Variants in GRM8 observed in about 807,000 individuals in gnomAD.
The protein encoded by GRM8 is metabotropic glutamate receptor 8.
In GRM8, 47 loss-of-function variants were observed where a neutral mutation model predicts 87.2. The ratio of observed to expected loss-of-function variants is 0.54; its 90% CI spans 0.43 to 0.69. GRM8 has a LOEUF of 0.69. GRM8 is among the 30% of genes least tolerant of loss of function. The pLI is 0.00. For missense variants in GRM8, 1,019 were observed against 1,139.2 expected (o/e 0.89, Z 1.52); for synonymous variants, 396 against 404.5 (o/e 0.98, Z 0.25).
chr7:126,717,507 A>C (rs1811889180), intron 7 of GRM8, among the ~76,000 whole-genome samples: 1 of 152,172 alleles, frequency 6.6e-6, no homozygotes, highest in African/African-American at 2.4e-5. Context: ...GGGACATACA[A>C]CTATGGACAA....
chr7:127,171,485 G>T (rs1793799395), intron 2 of GRM8, among the ~76,000 whole-genome samples: 1 of 152,172 alleles, frequency 6.6e-6, no homozygotes, highest in Non-Finnish European at 1.5e-5. Flanking sequence ...AAACGTCATT[G>T]TTGCCTTATT....
chr7:127,209,917 G>A, intron 2 of GRM8, among the ~76,000 whole-genome samples: 1 of 152,024 alleles, frequency 6.6e-6, no homozygotes, highest in Non-Finnish European at 1.5e-5. Context: ...AGAGCTTCTG[G>A]ACCTGCAGCA....
chr7:126,599,268 T>C (rs1426857616), intron 8 of GRM8, among the ~76,000 whole-genome samples: 1 of 152,096 alleles, frequency 6.6e-6, no homozygotes, highest in Non-Finnish European at 1.5e-5. Flanking sequence ...TCAGATTCTA[T>C]CTGGCCTGAT....
At chr7:127,185,218 C>T (rs1422136395) in intron 2 of GRM8, among the ~76,000 whole-genome samples, 1 of 151,830 alleles carries the variant, frequency 6.6e-6, no homozygotes, top group Non-Finnish European at 1.5e-5. Context: ...ACTATAAAGG[C>T]ACAATAATCA....
At chr7:127,075,889 A>T (rs1403079034) in intron 3 of GRM8, 3 of 231,028 alleles carry the variant, frequency 1.3e-5, no homozygotes, top group African/African-American at 6.9e-5. Context: ...GGGTAGCATT[A>T]GTTAGGCGAA....
chr7:127,166,589 T>C (rs1793468622), intron 2 of GRM8, among the ~76,000 whole-genome samples: 1 of 152,138 alleles, frequency 6.6e-6, no homozygotes, highest in Non-Finnish European at 1.5e-5. Flanking sequence ...AAGGCGGCGA[T>C]GGGACTGAAC....
chr7:126,499,024 A>T (rs1809218654), intron 9 of GRM8, among the ~76,000 whole-genome samples: 1 of 151,846 alleles, frequency 6.6e-6, no homozygotes, highest in African/African-American at 2.4e-5. Flanking sequence ...TTCCTGGGAG[A>T]ACAGATGTGA....
At chr7:126,995,585 G>A (rs1813102120) in intron 3 of GRM8, among the ~76,000 whole-genome samples, 1 of 152,210 alleles carries the variant, frequency 6.6e-6, no homozygotes, top group African/African-American at 2.4e-5. Flanking sequence ...ATGTCTTAGA[G>A]TCTCTTAATA....
At chr7:127,213,147 G>A (rs190981372) in intron 2 of GRM8, among the ~76,000 whole-genome samples, 62 of 152,294 alleles carry the variant, frequency 4.1e-4, no homozygotes, top group African/African-American at 1.5e-3. Context: ...CCACTGTCAT[G>A]ACACAGTCCT....
At chr7:126,602,095 G>C (rs1042843659) in intron 8 of GRM8, among the ~76,000 whole-genome samples, 5 of 137,500 alleles carry the variant, frequency 3.6e-5, no homozygotes, top group African/African-American at 1.3e-4. Context: ...AATCCATCTT[G>C]AATTGATTTT....
chr7:126,872,663 T>C (rs1799203197), intron 6 of GRM8, among the ~76,000 whole-genome samples: 1 of 152,174 alleles, frequency 6.6e-6, no homozygotes. Context: ...AGGTCAGAAC[T>C]ATGCTAGAAT....
intron 6 of GRM8, among the ~76,000 whole-genome samples, chr7:126,816,700 G>C (rs889734907): frequency 6.6e-6 from 1 of 151,120 alleles, no homozygotes; most frequent in Non-Finnish European, 1.5e-5. Context: ...GTGTCTTGCT[G>C]TTTGCTACCT....
At chr7:126,611,777 C>T (rs1273241152) in intron 7 of GRM8, among the ~76,000 whole-genome samples, 1 of 152,112 alleles carries the variant, frequency 6.6e-6, no homozygotes, top group African/African-American at 2.4e-5. Flanking sequence ...CATGAATATA[C>T]CCTAAGTTAT....
intron 7 of GRM8, among the ~76,000 whole-genome samples, chr7:126,692,185 G>T (rs1808895845): frequency 6.6e-6 from 1 of 152,158 alleles, no homozygotes; most frequent in African/African-American, 2.4e-5. Flanking sequence ...GAAGTGAGTG[G>T]GCTAACGAAC....
chr7:127,016,987 TTAA>T (rs1374261643), intron 3 of GRM8, among the ~76,000 whole-genome samples: 2 of 152,114 alleles, frequency 1.3e-5, no homozygotes, highest in Non-Finnish European at 2.9e-5. Flanking sequence ...CCCATCTTGA[TTAA>T]TGAGATCATC....
rs373369848 is a variant in GRM8 at position 126,798,272 on chromosome 7, G to A, written c.1157-28207C>T. On this transcript the variant is annotated intron_variant, in intron 6 of 10. Coordinates refer to ENST00000339582, the MANE Select transcript of GRM8 (RefSeq NM_000845.3). ...CAGGATTAAGAAAAAAGGCTTCAAC[G>A]TTTGCATTTTACCAAGATAGAACAA... is the stretch of plus-strand genomic sequence containing the variant. Among the ~76,000 whole-genome samples the A allele has an allele frequency of 9.9e-5, 15 of 152,128 alleles. No homozygotes were observed. The East Asian group carries it at 2.3e-3, about 23-fold the overall frequency.
chr7:126,554,498 T>A (rs558648437), intron 8 of GRM8, among the ~76,000 whole-genome samples: 19 of 151,914 alleles, frequency 1.3e-4, no homozygotes, highest in African/African-American at 4.6e-4. Context: ...GAAGCTGAGG[T>A]GGAAGGATTG....
intron 9 of GRM8, among the ~76,000 whole-genome samples, chr7:126,474,373 A>C (rs570529264): frequency 6.6e-6 from 1 of 152,042 alleles, no homozygotes; most frequent in African/African-American, 2.4e-5. Context: ...CGCTTAAGCA[A>C]TCCTCTCACC....
intron 8 of GRM8, among the ~76,000 whole-genome samples, chr7:126,589,948 C>T (rs924961059): frequency 3.4e-4 from 51 of 152,094 alleles, no homozygotes; most frequent in African/African-American, 1.2e-3. Flanking sequence ...AAAATCACTT[C>T]TGGTAATGAC....
Sources: gnomAD v4.1 joint callset for allele counts (sites outside exome capture counted in the v4.1 genomes callset) on GRCh38, gnomAD v4.1.1 for gene constraint, MANE v1.5 for transcripts, NCBI Gene and HGNC (gene_info 2026-07-23, HGNC 2026-07-21) for gene names.